FAM107B: variants seen among roughly 807,000 people sequenced by gnomAD.
FAM107B encodes family with sequence similarity 107 member B.
Under a neutral mutation model 31.5 loss-of-function variants are expected in FAM107B, and 21 were observed. The observed-to-expected ratio is 0.67, with a 90% confidence interval of 0.47 to 0.96. FAM107B has a LOEUF of 0.96. FAM107B is among the 40% of genes least tolerant of loss of function. The pLI, the probability that FAM107B is intolerant of heterozygous loss-of-function variation, is 0.00. For synonymous variants in FAM107B, 157 were observed against 141.5 expected, an observed-to-expected ratio of 1.11 and a Z score of -0.78; for missense variants, 452 against 377.1, an observed-to-expected ratio of 1.20 and a Z score of -1.64.
intron 2 of FAM107B, chr10:14,602,812 T>C (rs1190084887): frequency 6.6e-6 from 1 of 152,246 alleles, no homozygotes; most frequent in African/African-American, 2.4e-5. Context: ...TTTTCCTGTT[T>C]CTTTCTTCTC....
At chr10:14,699,938 T>G (rs1482605986) in intron 1 of FAM107B, among the ~76,000 whole-genome samples, 1 of 152,046 alleles carries the variant, frequency 6.6e-6, no homozygotes, top group Non-Finnish European at 1.5e-5. Flanking sequence ...TATTTATGAT[T>G]ATTATTATTT....
chr10:14,623,907 G>T (rs17155593), intron 2 of FAM107B, among the ~76,000 whole-genome samples: 5 of 152,012 alleles, frequency 3.3e-5, no homozygotes, highest in African/African-American at 1.2e-4. Flanking sequence ...TTTTTCTGTC[G>T]CTCAATGAGA....
At chr10:14,646,974 T>C (rs1174175330) in intron 2 of FAM107B, among the ~76,000 whole-genome samples, 1 of 151,920 alleles carries the variant, frequency 6.6e-6, no homozygotes, top group Non-Finnish European at 1.5e-5. Context: ...TTTTGTATTT[T>C]TAGTAGAGAC....
At chr10:14,697,060 G>A (rs1424263373) in intron 1 of FAM107B, among the ~76,000 whole-genome samples, 1 of 152,168 alleles carries the variant, frequency 6.6e-6, no homozygotes. Flanking sequence ...AAAAAATGGG[G>A]AGGCACAGGG....
chr10:14,762,700 G>A (rs1489483284), intron 1 of FAM107B, among the ~76,000 whole-genome samples: 1 of 149,744 alleles, frequency 6.7e-6, no homozygotes, highest in Non-Finnish European at 1.5e-5. Context: ...AGGTTGCAGT[G>A]AGCCAAGATT....
chr10:14,741,635 A>G (rs534518661), intron 1 of FAM107B, among the ~76,000 whole-genome samples: 1 of 151,748 alleles, frequency 6.6e-6, no homozygotes, highest in South Asian at 2.1e-4. Context: ...TCCAGTCACC[A>G]GCACTGTTAT....
At chr10:14,604,285 CG>C (rs1852513184) in intron 2 of FAM107B, 1 of 979,034 alleles carries the variant, frequency 1.0e-6, no homozygotes, top group Non-Finnish European at 1.2e-6. Flanking sequence ...AGCTCGCTCC[CG>C]GCGCCCGCGG....
At chr10:14,730,304 G>T (rs960639914) in intron 1 of FAM107B, among the ~76,000 whole-genome samples, 2 of 152,242 alleles carry the variant, frequency 1.3e-5, no homozygotes, top group Non-Finnish European at 2.9e-5. Flanking sequence ...TCTCCCAGGT[G>T]AGTTTAATGT....
chr10:14,744,262 G>T (rs186229935), intron 1 of FAM107B, among the ~76,000 whole-genome samples: 2 of 152,232 alleles, frequency 1.3e-5, no homozygotes, highest in African/African-American at 2.4e-5. Flanking sequence ...AGACAATGGG[G>T]TTTTTTAGAT....
chr10:14,645,472 A>C (rs1441407167), intron 2 of FAM107B, among the ~76,000 whole-genome samples: 1 of 135,300 alleles, frequency 7.4e-6, no homozygotes, highest in Non-Finnish European at 1.6e-5. Flanking sequence ...TGTCTGATTC[A>C]GATGGTCCTT....
chr10:14,551,513 A>T (rs1008866190), intron 2 of FAM107B, among the ~76,000 whole-genome samples: 7 of 152,176 alleles, frequency 4.6e-5, no homozygotes, highest in Non-Finnish European at 1.0e-4. Flanking sequence ...TCAAGATTTT[A>T]AAATTCAGTT....
At chr10:14,581,489 A>C (rs574809499) in intron 2 of FAM107B, among the ~76,000 whole-genome samples, 2 of 152,352 alleles carry the variant, frequency 1.3e-5, no homozygotes, top group Admixed American at 1.3e-4. Context: ...AACTGGCCTG[A>C]AAGACGTTCG....
intron 2 of FAM107B, among the ~76,000 whole-genome samples, chr10:14,634,399 CA>C (rs59139195): frequency 0.2 from 23,293 of 116,558 alleles, 2,004 homozygotes; most frequent in Admixed American, 0.34. Context: ...GACTCTGTCT[CA>C]AAAAAAAAAA....
At position 14,774,445 on chromosome 10, in the gene FAM107B, TG is replaced by T; in HGVS notation, c.218del (p.Pro73GlnfsTer82). 5 of 1,614,232 alleles carry T rather than the reference TG, an allele frequency of 3.1e-6. No homozygotes were observed. Among genetic ancestry groups the T allele is most frequent in the Non-Finnish European group, 4.2e-6 (5 of 1,180,034 alleles). ...GGGTGCTCGAATCTTGCCTTTTCTCTGGAGCTCCTTCTGCGCTTGGGTGTCT... is the reference window on the plus strand; with the variant it reads ...GGGTGCTCGAATCTTGCCTTTTCTCTGAGCTCCTTCTGCGCTTGGGTGTCT... ...QPRHPSAEGA[P>X]EKRQDSSTHA... On this transcript the variant is annotated frameshift_variant, in exon 1 of 5. Coordinates refer to ENST00000181796, the MANE Select transcript of FAM107B (RefSeq NM_031453.4). LOFTEE classifies it high-confidence loss of function.
At chr10:14,649,649 T>C (rs1853850619) in intron 2 of FAM107B, among the ~76,000 whole-genome samples, 1 of 152,168 alleles carries the variant, frequency 6.6e-6, no homozygotes, top group Admixed American at 6.5e-5. Context: ...CCACTTCGAG[T>C]TGTCCCACCT....
intron 2 of FAM107B, among the ~76,000 whole-genome samples, chr10:14,542,963 A>G (rs1848360185): frequency 6.6e-6 from 1 of 152,224 alleles, no homozygotes; most frequent in African/African-American, 2.4e-5. Context: ...AATCTGCAAA[A>G]ACTTCTAAGC....
chr10:14,576,948 C>G (rs555597756), intron 2 of FAM107B, among the ~76,000 whole-genome samples: 1 of 152,288 alleles, frequency 6.6e-6, no homozygotes, highest in African/African-American at 2.4e-5. Context: ...AAAACAGCAA[C>G]ACTGATTACA....
intron 1 of FAM107B, among the ~76,000 whole-genome samples, chr10:14,733,702 A>C (rs1046928103): frequency 6.6e-6 from 1 of 152,176 alleles, no homozygotes; most frequent in African/African-American, 2.4e-5. Context: ...TATCATTTCC[A>C]TTTAACAAGG....
chr10:14,637,880 A>C (rs896745488), intron 2 of FAM107B, among the ~76,000 whole-genome samples: 2 of 152,132 alleles, frequency 1.3e-5, no homozygotes, highest in African/African-American at 4.8e-5. Context: ...TTCTTCCAAC[A>C]AGAGTGGATT....
Sources: gnomAD v4.1 joint callset for allele counts (sites outside exome capture counted in the v4.1 genomes callset) on GRCh38, gnomAD v4.1.1 for gene constraint, MANE v1.5 for transcripts, NCBI Gene and HGNC (gene_info 2026-07-23, HGNC 2026-07-21) for gene names.